MSRA: variants seen among roughly 807,000 people sequenced by gnomAD.
The protein encoded by MSRA is methionine sulfoxide reductase A, also known as mitochondrial peptide methionine sulfoxide reductase.
A neutral mutation model predicts 31.3 loss-of-function variants in MSRA; 54 were observed. The ratio of observed to expected loss-of-function variants is 1.73; its 90% CI spans 1.39 to 2.17. MSRA has a LOEUF of 2.17. Among genes scored for constraint, MSRA ranks in the 30% most tolerant of loss-of-function variants. MSRA has a pLI of 0.00. For synonymous variants in MSRA, 169 were observed against 116.5 expected (o/e 1.45, Z -2.90); for missense variants, 507 against 300.9 (o/e 1.69, Z -5.07).
At chr8:10,101,657 G>C (rs1223733130) in intron 1 of MSRA, among the ~76,000 whole-genome samples, 1 of 152,094 alleles carries the variant, frequency 6.6e-6, no homozygotes, top group Non-Finnish European at 1.5e-5. Flanking sequence ...TTTGTGACTG[G>C]CTTCTTTCAC....
intron 4 of MSRA, among the ~76,000 whole-genome samples, chr8:10,317,082 G>A (rs191828630): frequency 6.6e-6 from 1 of 152,266 alleles, no homozygotes. Flanking sequence ...ATGCTAGTAG[G>A]AGTCACTCTG....
At chr8:10,207,796 T>G in intron 1 of MSRA, 37 bp from the exon 2 acceptor site, 2 of 1,580,736 alleles carry the variant, frequency 1.3e-6, no homozygotes, top group East Asian at 2.2e-5. Context: ...GTTAGAACTT[T>G]ACACTTAAAC....
intron 1 of MSRA, among the ~76,000 whole-genome samples, chr8:10,160,532 GAT>G (rs1469840252): frequency 6.6e-6 from 1 of 151,920 alleles, no homozygotes; most frequent in African/African-American, 2.4e-5. Flanking sequence ...CTATAGATAG[GAT>G]GAATCCATGA....
intron 5 of MSRA, among the ~76,000 whole-genome samples, chr8:10,366,310 C>A (rs1009438982): frequency 6.6e-6 from 1 of 152,226 alleles, no homozygotes; most frequent in Admixed American, 6.5e-5. Flanking sequence ...ACCAAAGACA[C>A]CTGCCTACAG....
At chr8:10,200,823 G>T (rs1808430061) in intron 1 of MSRA, among the ~76,000 whole-genome samples, 1 of 152,200 alleles carries the variant, frequency 6.6e-6, no homozygotes, top group Non-Finnish European at 1.5e-5. Flanking sequence ...ATGACTAGAG[G>T]CGTGACTCCA....
rs1379705844 is a variant in MSRA at position 10,358,306 on chromosome 8, C to G, written c.543+38317C>G. ...ATATCCCGTAATTATTACAATAGTC[C>G]CAATAACAATAATAAGAGCGCTATA... is the stretch of plus-strand genomic sequence containing the variant. On this transcript the variant is annotated intron_variant, in intron 5 of 5. Coordinates refer to ENST00000317173, the MANE Select transcript of MSRA (RefSeq NM_012331.5). Among the ~76,000 whole-genome samples the G allele has an allele frequency of 3.3e-5, 5 of 152,228 alleles. No individual in the cohort carries two copies. In the South Asian group the frequency reaches 1.0e-3, roughly 32 times the overall value.
chr8:10,114,252 G>T (rs1421312661), intron 1 of MSRA, among the ~76,000 whole-genome samples: 2 of 152,086 alleles, frequency 1.3e-5, no homozygotes, highest in African/African-American at 2.4e-5. Context: ...TTACTATTGG[G>T]TTGTTTTTAG....
intron 1 of MSRA, among the ~76,000 whole-genome samples, chr8:10,136,053 T>G (rs1012355129): frequency 7.1e-6 from 1 of 141,428 alleles, no homozygotes; most frequent in Non-Finnish European, 1.6e-5. Context: ...GGCTGGGACT[T>G]AGGCCTGTGT....
intron 4 of MSRA, among the ~76,000 whole-genome samples, chr8:10,308,907 T>A (rs1322859509): frequency 6.6e-6 from 1 of 152,226 alleles, no homozygotes; most frequent in Non-Finnish European, 1.5e-5. Context: ...CAGGATTAAA[T>A]GGAATTAGGA....
At chr8:10,170,706 G>A (rs1805519459) in intron 1 of MSRA, among the ~76,000 whole-genome samples, 1 of 152,164 alleles carries the variant, frequency 6.6e-6, no homozygotes, top group Non-Finnish European at 1.5e-5. Context: ...GCCATTTTAT[G>A]TCAGGGACTT....
intron 1 of MSRA, among the ~76,000 whole-genome samples, chr8:10,147,338 T>A (rs1585030082): frequency 6.6e-6 from 1 of 150,870 alleles, no homozygotes; most frequent in African/African-American, 2.4e-5. Flanking sequence ...GCCTAGGGAG[T>A]GTGGAGGGTC....
rs753478223 is a variant in MSRA at position 10,428,318 on chromosome 8, C to T, written c.*6C>T. The T allele has an allele frequency of 8.1e-6, 13 of 1,611,864 alleles. No individual in the cohort carries two copies. Among genetic ancestry groups the T allele is most frequent in the Middle Eastern group, 1.7e-4 (1 of 6,052 alleles). On this transcript the variant is annotated 3_prime_UTR_variant, in exon 6 of 6. Coordinates refer to ENST00000317173, the MANE Select transcript of MSRA (RefSeq NM_012331.5). ...CAGTGGGTATTAAAAAATAATTTCT[C>T]CCCACATGGTGGGCCTTTGAGGTTC...
chr8:10,158,993 A>G (rs1804408332), intron 1 of MSRA, among the ~76,000 whole-genome samples: 1 of 152,142 alleles, frequency 6.6e-6, no homozygotes, highest in Admixed American at 6.6e-5. Flanking sequence ...GGTTTTAGGG[A>G]TGAAATGGCA....
At chr8:10,106,660 C>T (rs1364716006) in intron 1 of MSRA, among the ~76,000 whole-genome samples, 1 of 152,202 alleles carries the variant, frequency 6.6e-6, no homozygotes, top group Non-Finnish European at 1.5e-5. Flanking sequence ...AAATCAAGTC[C>T]TCTGCTTCCA....
chr8:10,094,998 C>A (rs1156499799), intron 1 of MSRA, among the ~76,000 whole-genome samples: 1 of 152,142 alleles, frequency 6.6e-6, no homozygotes, highest in Non-Finnish European at 1.5e-5. Context: ...TTAGAGCCTC[C>A]TTAAAAATAA....
At chr8:10,195,587 T>C (rs1318373782) in intron 1 of MSRA, among the ~76,000 whole-genome samples, 1 of 152,208 alleles carries the variant, frequency 6.6e-6, no homozygotes, top group East Asian at 1.9e-4. Context: ...TAGAATCTTC[T>C]TTGTCTTCTG....
At chr8:10,258,689 A>G (rs976443980) in intron 3 of MSRA, among the ~76,000 whole-genome samples, 5 of 152,258 alleles carry the variant, frequency 3.3e-5, no homozygotes, top group African/African-American at 9.6e-5. Context: ...GTTCTGAACT[A>G]TAGCTCCCTT....
intron 3 of MSRA, among the ~76,000 whole-genome samples, chr8:10,267,337 G>T (rs1443358928): frequency 6.6e-6 from 1 of 152,220 alleles, no homozygotes; most frequent in Non-Finnish European, 1.5e-5. Flanking sequence ...AGTGGGAGGG[G>T]AGGCTGCAGT....
chr8:10,158,521 T>C (rs1004729124), intron 1 of MSRA, among the ~76,000 whole-genome samples: 4 of 152,250 alleles, frequency 2.6e-5, no homozygotes, highest in East Asian at 1.9e-4. Flanking sequence ...TCAGGATTCA[T>C]CTGTGTTGTA....
Sources: allele counts gnomAD v4.1 joint callset (sites outside exome capture counted in the v4.1 genomes callset), GRCh38; gene constraint gnomAD v4.1.1; transcripts MANE v1.5; gene names NCBI Gene and HGNC (gene_info 2026-07-23, HGNC 2026-07-21).